The following SLC39A11 variants were observed in gnomAD, a reference collection of about 807,000 sequenced individuals.
SLC39A11 encodes the protein zinc transporter ZIP11.
Under a neutral mutation model 36.1 loss-of-function variants are expected in SLC39A11, and 33 were observed. The ratio of observed to expected loss-of-function variants is 0.91; its 90% CI spans 0.69 to 1.22. SLC39A11 has a LOEUF of 1.22. Among genes scored for constraint, SLC39A11 ranks in the 50% most tolerant of loss-of-function variants. SLC39A11 has a pLI of 0.00. For synonymous variants in SLC39A11, 166 were observed against 170.3 expected (o/e 0.97, Z 0.20); for missense variants, 432 against 430.3 (o/e 1.00, Z -0.03).
intron 7 of SLC39A11, among the ~76,000 whole-genome samples, chr17:72,720,454 G>GTA (rs1567983472): frequency 1.3e-5 from 2 of 152,164 alleles, no homozygotes; most frequent in African/African-American, 4.8e-5. Flanking sequence ...TGGGCCCCGA[G>GTA]GCTTGGATGT....
At chr17:72,850,577 T>C (rs2079261745) in intron 5 of SLC39A11, among the ~76,000 whole-genome samples, 1 of 152,214 alleles carries the variant, frequency 6.6e-6, no homozygotes, top group African/African-American at 2.4e-5. Context: ...CAAGCAATGT[T>C]GAGTCATGAT....
At chr17:72,834,481 G>A (rs749944059) in intron 6 of SLC39A11, among the ~76,000 whole-genome samples, 4 of 152,072 alleles carry the variant, frequency 2.6e-5, no homozygotes, top group African/African-American at 4.8e-5. Flanking sequence ...AATTACCTGC[G>A]CATGGTGACA....
rs941416316 is a variant in SLC39A11 at position 72,999,645 on chromosome 17, G to A, written c.306+31911C>T. On this transcript the variant is annotated intron_variant, in intron 4 of 9. Coordinates refer to ENST00000255559, the MANE Select transcript of SLC39A11 (RefSeq NM_139177.4). ...ATTGCAGACTCCTCTGAGGAGCCACGGAAGGCAACAGGTCCATTTCCTGCT... is the reference window on the plus strand; with the variant it reads ...ATTGCAGACTCCTCTGAGGAGCCACAGAAGGCAACAGGTCCATTTCCTGCT... Among the ~76,000 whole-genome samples the A allele has an allele frequency of 2.2e-4, 33 of 152,308 alleles. No homozygotes were observed. The East Asian group carries it at 3.1e-3, about 14-fold the overall frequency.
chr17:72,995,833 C>T (rs1330474774), intron 4 of SLC39A11, among the ~76,000 whole-genome samples: 1 of 152,182 alleles, frequency 6.6e-6, no homozygotes, highest in African/African-American at 2.4e-5. Flanking sequence ...ACTGTGCAAA[C>T]CAATTTCTTT....
chr17:72,715,939 C>A (rs118073026), intron 7 of SLC39A11, among the ~76,000 whole-genome samples: 1 of 152,050 alleles, frequency 6.6e-6, no homozygotes, highest in South Asian at 2.1e-4. Context: ...TCAAGTGATC[C>A]GCCCGCTTCA....
At chr17:72,790,174 C>G (rs2076650367) in intron 6 of SLC39A11, among the ~76,000 whole-genome samples, 1 of 152,176 alleles carries the variant, frequency 6.6e-6, no homozygotes, top group African/African-American at 2.4e-5. Context: ...TAGGGGGCAT[C>G]ATTTAGTGTT....
At chr17:72,837,826 G>T (rs547032050) in intron 6 of SLC39A11, 19 of 660,796 alleles carry the variant, frequency 2.9e-5, no homozygotes, top group Non-Finnish European at 3.8e-5. Context: ...TTAAATGAAA[G>T]TCAGTCCCGG....
At chr17:73,016,882 A>G (rs2058187319) in intron 4 of SLC39A11, among the ~76,000 whole-genome samples, 1 of 152,202 alleles carries the variant, frequency 6.6e-6, no homozygotes, top group Non-Finnish European at 1.5e-5. Flanking sequence ...TATTCCTGCC[A>G]TCTGAAGCAA....
chr17:72,679,979 T>C (rs1436820650), intron 7 of SLC39A11, among the ~76,000 whole-genome samples: 3 of 136,374 alleles, frequency 2.2e-5, no homozygotes, highest in African/African-American at 8.8e-5. Flanking sequence ...GAGGCAGAGG[T>C]TGCAGTGAGC....
chr17:72,780,489 G>A (rs540816821), intron 6 of SLC39A11, among the ~76,000 whole-genome samples: 2 of 140,732 alleles, frequency 1.4e-5, no homozygotes, highest in East Asian at 2.2e-4. Flanking sequence ...CGTCTACTAC[G>A]TGCACCGCAC....
chr17:72,983,927 A>G (rs925549425), intron 4 of SLC39A11, among the ~76,000 whole-genome samples: 2 of 152,176 alleles, frequency 1.3e-5, no homozygotes, highest in African/African-American at 4.8e-5. Flanking sequence ...AAATCCCCAG[A>G]TGGATTTGGG....
At chr17:72,774,135 C>T (rs1253957402) in intron 6 of SLC39A11, among the ~76,000 whole-genome samples, 2 of 152,172 alleles carry the variant, frequency 1.3e-5, no homozygotes, top group South Asian at 2.1e-4. Context: ...TGTGCTTACA[C>T]TGGTGATGTG....
chr17:73,059,813 C>G (rs1211122394), intron 3 of SLC39A11, among the ~76,000 whole-genome samples: 2 of 151,712 alleles, frequency 1.3e-5, no homozygotes, highest in African/African-American at 2.4e-5. Flanking sequence ...ACAGGTTGCC[C>G]CAAAATGAGA....
chr17:73,046,593 C>T (rs1216484172), intron 3 of SLC39A11, among the ~76,000 whole-genome samples: 1 of 152,162 alleles, frequency 6.6e-6, no homozygotes, highest in Non-Finnish European at 1.5e-5. Flanking sequence ...GGCTATACTA[C>T]CCCCACCAGT....
At chr17:72,983,448 CTGTTGT>C (rs1377040790) in intron 4 of SLC39A11, among the ~76,000 whole-genome samples, 3 of 152,174 alleles carry the variant, frequency 2.0e-5, no homozygotes, top group Non-Finnish European at 4.4e-5. Flanking sequence ...TGTGCCCAGC[CTGTTGT>C]TGTTGTTGTT....
intron 5 of SLC39A11, among the ~76,000 whole-genome samples, chr17:72,929,336 C>A (rs766055647): frequency 5.3e-5 from 8 of 152,154 alleles, no homozygotes; most frequent in Non-Finnish European, 1.0e-4. Context: ...ATATACAAGA[C>A]ATGGCTACCC....
At chr17:72,922,960 C>CAAAAAAAAAAAAAAAAAAA (rs10645750) in intron 5 of SLC39A11, among the ~76,000 whole-genome samples, 4 of 44,078 alleles carry the variant, frequency 9.1e-5, no homozygotes, top group Non-Finnish European at 1.8e-4. Context: ...GACTCCTTCT[C>CAAAAAAAAAAAAAAAAAAA]AAAAAAAAAA....
At chr17:72,871,541 G>A (rs1009929225) in intron 5 of SLC39A11, among the ~76,000 whole-genome samples, 2 of 152,058 alleles carry the variant, frequency 1.3e-5, no homozygotes, top group African/African-American at 4.8e-5. Context: ...AGGTTGAGTT[G>A]ATCACCATTG....
At chr17:73,062,475 A>AAAAAAAAAAAAACAAAAAC (rs56021607) in intron 3 of SLC39A11, among the ~76,000 whole-genome samples, 5 of 87,034 alleles carry the variant, frequency 5.7e-5, no homozygotes, top group South Asian at 8.9e-4. Flanking sequence ...AAAAAAAAAA[A>AAAAAAAAAAAAACAAAAAC]AAACTTTAGG....
Sources: allele counts gnomAD v4.1 joint callset (sites outside exome capture counted in the v4.1 genomes callset), GRCh38; gene constraint gnomAD v4.1.1; transcripts MANE v1.5; gene names NCBI Gene and HGNC (gene_info 2026-07-23, HGNC 2026-07-21).